Variants in UBE3B observed in about 807,000 individuals in gnomAD.
The protein encoded by UBE3B is ubiquitin-protein ligase E3B.
UBE3B carries 80 observed loss-of-function variants against 132.3 expected under a neutral mutation model. The ratio of observed to expected loss-of-function variants is 0.60; its 90% confidence interval spans 0.50 to 0.73. UBE3B has a LOEUF of 0.73. Among genes scored for constraint, UBE3B ranks in the 30% least tolerant of loss-of-function variants. The pLI is 0.00. For synonymous variants in UBE3B, 487 were observed against 520.4 expected (o/e 0.94, Z 0.87); for missense variants, 1,196 against 1,362.5 (o/e 0.88, Z 1.92).
intron 19 of UBE3B, among the ~76,000 whole-genome samples, chr12:109,518,434 C>A (rs1366092611): frequency 1.3e-5 from 2 of 152,226 alleles, no homozygotes; most frequent in Non-Finnish European, 2.9e-5. Flanking sequence ...TCAGATAACA[C>A]CTGTCTTTCC....
chr12:109,505,517 CTG>C (rs1879552162), intron 14 of UBE3B, among the ~76,000 whole-genome samples: 1 of 152,230 alleles, frequency 6.6e-6, no homozygotes, highest in African/African-American at 2.4e-5. Context: ...ACTGTTTCCT[CTG>C]TTTCTATTTT....
At chr12:109,509,569 TTG>T in intron 15 of UBE3B, 25 bp from the exon 16 acceptor site, 1 of 1,502,778 alleles carries the variant, frequency 6.7e-7, no homozygotes, top group Non-Finnish European at 9.1e-7. Context: ...CAGTGTGGAA[TTG>T]TGGGTAATTT....
rs371397837 is a variant in UBE3B, at chr12:109,534,809, C to T, written c.*27C>T. 32 of 1,479,100 alleles carry T rather than the reference C, an allele frequency of 2.2e-5. No individual in the cohort carries two copies. The African/African-American group carries it at 3.6e-4, about 17-fold the overall frequency. 91.6% of individuals were successfully genotyped at this position (1,479,100 alleles called of 1,614,324 possible). A position where few individuals can be genotyped will look rare whatever the true frequency, so the allele number is the denominator to read the frequency against. ...TCCTGTCCCAGCCCTGCCTCCAGGG[C>T]TCCTGGGCTGCCAGGGACCTTCAGC... is the stretch of plus-strand genomic sequence containing the variant. On this transcript the variant is annotated 3_prime_UTR_variant, in exon 28 of 28. Transcript: ENST00000342494. This position sits in a 1 kb window ranked among gnomAD's most constrained non-coding sequence, Gnocchi z 5.2.
chr12:109,500,440 T>TA (rs1878821797), intron 12 of UBE3B, among the ~76,000 whole-genome samples: 1 of 152,204 alleles, frequency 6.6e-6, no homozygotes, highest in Non-Finnish European at 1.5e-5. Flanking sequence ...CCCTGGCAGT[T>TA]ACCCTTGCAG....
intron 23 of UBE3B, among the ~76,000 whole-genome samples, 158 bp downstream of exon 23, chr12:109,524,661 GA>G (rs1882115847): frequency 6.6e-6 from 1 of 152,092 alleles, no homozygotes; most frequent in Non-Finnish European, 1.5e-5. Context: ...CTCTTGCCAG[GA>G]GGGAGGGCCC....
chr12:109,515,942 A>T (rs1880980338), intron 18 of UBE3B, among the ~76,000 whole-genome samples: 1 of 152,150 alleles, frequency 6.6e-6, no homozygotes, highest in Non-Finnish European at 1.5e-5. Flanking sequence ...GGCACAGAGG[A>T]GGCAGGTTGA....
In UBE3B at chr12:109,499,813, GA is replaced by G; in HGVS notation, c.1118+4del. ...TTCTCCCAATCTGTGGATTATGGGT[GA>G]GTCCCAGATGCAAATCACTGTCTTT... On this transcript the variant is annotated splice_donor_region_variant and intron_variant, in intron 12 of 27. Coordinates refer to ENST00000342494, the MANE Select transcript of UBE3B (RefSeq NM_130466.4). The G allele has an allele frequency of 1.3e-6, 2 of 1,592,864 alleles. No homozygotes were observed. The highest frequency in any genetic ancestry group is 1.7e-6 in the Non-Finnish European group (2 of 1,168,316).
chr12:109,503,000 A>G, intron 13 of UBE3B, 23 bp from the exon 14 acceptor site: 1 of 1,614,032 alleles, frequency 6.2e-7, no homozygotes, highest in Admixed American at 1.7e-5. Context: ...TGCTGCTCAC[A>G]TGTCTTCTTT....
chr12:109,547,069 G>A, the UBE3B span, among the ~76,000 whole-genome samples: 1 of 149,000 alleles, frequency 6.7e-6, no homozygotes, highest in Non-Finnish European at 1.5e-5. This position sits in a 1 kb window ranked among gnomAD's most constrained non-coding sequence, Gnocchi z 4.1. Context: ...GATAATTTCT[G>A]GTGTGTTGAA....
At position 109,534,646 on chromosome 12, in the gene UBE3B, G is replaced by A. The variant is rs761499136; in HGVS notation, c.3071G>A (p.Arg1024Gln). Residue 1024 changes from arginine to glutamine, a missense_variant, in exon 28 of 28, where the codon CGG (arginine) becomes CAG (glutamine). Physicochemically the swap from Arg to Gln is conservative, Grantham distance 43. Coordinates refer to ENST00000342494, the MANE Select transcript of UBE3B (RefSeq NM_130466.4). This position sits in a 1 kb window ranked among gnomAD's most constrained non-coding sequence, Gnocchi z 5.2. Reference protein sequence around the residue: ...VLRGFFTIRKREPGGRLPTSS... With the variant: ...VLRGFFTIRKQEPGGRLPTSS... ...CGGGGCTTCTTCACCATCCGCAAGCGGGAGCCAGGCGGCCGCCTGCCCACC... is the reference window on the plus strand; with the variant it reads ...CGGGGCTTCTTCACCATCCGCAAGCAGGAGCCAGGCGGCCGCCTGCCCACC... The A allele has an allele frequency of 1.6e-5, 25 of 1,612,004 alleles. No homozygotes were observed. The East Asian group carries it at 3.1e-4, about 20-fold the overall frequency.
the UBE3B span, among the ~76,000 whole-genome samples, chr12:109,545,700 T>C: frequency 6.6e-6 from 1 of 152,192 alleles, no homozygotes; most frequent in Non-Finnish European, 1.5e-5. Flanking sequence ...CAGGGGCTGC[T>C]CTGTCCCTTA....
chr12:109,520,287 G>GT (rs1408308061), intron 19 of UBE3B: 1 of 152,216 alleles, frequency 6.6e-6, no homozygotes, highest in Non-Finnish European at 1.5e-5. Context: ...AGCACCCCAA[G>GT]TACTAGGAAT....
At chr12:109,516,981 T>G (rs1881151053) in intron 19 of UBE3B, 97 bp downstream of exon 19, 2 of 1,492,546 alleles carry the variant, frequency 1.3e-6, no homozygotes, top group African/African-American at 1.4e-5. Context: ...ACTGTTCCTG[T>G]TACTCCTTGA....
chr12:109,509,640 A>G lies in UBE3B; in HGVS notation c.1667A>G (p.Lys556Arg), dbSNP rs536093921. 38 of 1,611,334 alleles carry G rather than the reference A, an allele frequency of 2.4e-5. No individual in the cohort carries two copies. In the African/African-American group the frequency reaches 2.4e-4, roughly 10 times the overall value. Residue 556 changes from lysine to arginine, a missense_variant, in exon 16 of 28, where the codon AAA becomes AGA. Transcript: ENST00000342494. ...GTTTATGAAGAACAGATTTCATTCAAACTGGAAGAGCTGGTCACTATCTCC... is the reference window on the plus strand; with the variant it reads ...GTTTATGAAGAACAGATTTCATTCAGACTGGAAGAGCTGGTCACTATCTCC... ...IEVYEEQISF[K>R]LEELVTISSF...
At chr12:109,529,581 C>G (rs760479443) in intron 24 of UBE3B, among the ~76,000 whole-genome samples, 1 of 152,204 alleles carries the variant, frequency 6.6e-6, no homozygotes, top group Admixed American at 6.5e-5. Context: ...CCTCTTCTTA[C>G]GTGGGGAATG....
At chr12:109,542,587 T>C in the UBE3B span, among the ~76,000 whole-genome samples, 2 of 152,172 alleles carry the variant, frequency 1.3e-5, no homozygotes, top group African/African-American at 4.8e-5. Context: ...GATGAGGTCA[T>C]ATAGGAGTAG....
intron 4 of UBE3B, among the ~76,000 whole-genome samples, chr12:109,484,459 T>A (rs116810347): frequency 5.3e-4 from 81 of 152,116 alleles, no homozygotes; most frequent in African/African-American, 1.8e-3. Context: ...GGCGCAGTCT[T>A]GGCTCACTGC....
At position 109,522,771 on chromosome 12, in the gene UBE3B, A is replaced by T. The variant is rs1359738128; in HGVS notation, c.2365-1207A>T. ...CCATCTGAGCCCCTGCCCAAACACC[A>T]TCCAGTCTTCCTTGTGCCCTCCAGT... On this transcript the variant is annotated intron_variant, in intron 21 of 27. Transcript: ENST00000342494. The surrounding 1 kb of genome is among the most constrained non-coding windows in gnomAD (Gnocchi z 4.2). 1.3e-5 allele frequency among the ~76,000 whole-genome samples: 2 copies of T among 152,116 alleles called. No homozygotes were observed. Among genetic ancestry groups the T allele is most frequent in the African/African-American group, 4.8e-5 (2 of 41,422 alleles).
chr12:109,529,585 G>A (rs1263818981), intron 24 of UBE3B, among the ~76,000 whole-genome samples: 1 of 152,216 alleles, frequency 6.6e-6, no homozygotes, highest in Non-Finnish European at 1.5e-5. Context: ...TTCTTACGTG[G>A]GGAATGTCTC....
Sources: allele counts gnomAD v4.1 joint callset (sites outside exome capture counted in the v4.1 genomes callset), GRCh38; gene constraint gnomAD v4.1.1; non-coding constraint Gnocchi (gnomAD v3.1); transcripts MANE v1.5; gene names NCBI Gene and HGNC (gene_info 2026-07-23, HGNC 2026-07-21).